DCC: variants seen among roughly 807,000 people sequenced by gnomAD.
The protein encoded by DCC is DCC netrin 1 receptor, also known as netrin receptor DCC.
DCC carries 58 observed loss-of-function variants against 172.5 expected under a neutral mutation model. That is an observed-to-expected ratio of 0.34 (90% CI 0.27 to 0.42). The LOEUF (loss-of-function observed/expected upper bound fraction) is 0.42. DCC is among the 10% of genes least tolerant of loss of function. The pLI, the probability that DCC is intolerant of heterozygous loss-of-function variation, is 1.00. For synonymous variants in DCC, 709 were observed against 644.5 expected, an observed-to-expected ratio of 1.10 and a Z score of -1.52; for missense variants, 1,740 against 1,791.0, an observed-to-expected ratio of 0.97 and a Z score of 0.51.
At chr18:52,837,797 T>A (rs7231926) in intron 2 of DCC, among the ~76,000 whole-genome samples, 1 of 152,226 alleles carries the variant, frequency 6.6e-6, no homozygotes, top group East Asian at 1.9e-4. Flanking sequence ...TCCATTCTCA[T>A]GCTTCTATAA....
chr18:53,018,002 CAT>C (rs1379960418), intron 5 of DCC, among the ~76,000 whole-genome samples: 39 of 152,270 alleles, frequency 2.6e-4, no homozygotes, highest in African/African-American at 9.4e-4. Flanking sequence ...ATTCCACTGA[CAT>C]GTACATAATC....
rs991858218 is a variant in DCC, at chr18:52,558,561, G to A, written c.92-193493G>A. On this transcript the variant is annotated intron_variant, in intron 1 of 28. Coordinates refer to ENST00000442544, the MANE Select transcript of DCC (RefSeq NM_005215.4). ...GGATACTATGTTCCTCTATTTTGCC[G>A]TGTTCATATTGTGATTTAATACAAA... Among the ~76,000 whole-genome samples the A allele has an allele frequency of 1.3e-5, 2 of 151,970 alleles. 1 individual carries two copies. The highest frequency in any genetic ancestry group is 4.8e-5 in the African/African-American group (2 of 41,354).
At chr18:53,014,200 A>G (rs575490723) in intron 5 of DCC, among the ~76,000 whole-genome samples, 29 of 152,334 alleles carry the variant, frequency 1.9e-4, no homozygotes, top group Admixed American at 1.8e-3. Flanking sequence ...AATTAGATGA[A>G]TCACTTGCTT....
intron 13 of DCC, among the ~76,000 whole-genome samples, chr18:53,309,078 C>T (rs2057234961): frequency 6.6e-6 from 1 of 152,022 alleles, no homozygotes; most frequent in South Asian, 2.1e-4. Flanking sequence ...TGCTCTCTTA[C>T]CCAGGCTGGA....
At position 53,272,809 on chromosome 18, in the gene DCC, A is replaced by G. The variant is rs75866217; in HGVS notation, c.1912-32769A>G. ...ATTTTTCCTTAGAAAACAAGCTTCA[A>G]AAAATTGTGTTATCCTTTGATTGTT... On this transcript the variant is annotated intron_variant, in intron 12 of 28. Coordinates refer to ENST00000442544, the MANE Select transcript of DCC (RefSeq NM_005215.4). Among the ~76,000 whole-genome samples, 51 of 152,296 alleles carry G rather than the reference A, an allele frequency of 3.3e-4. No individual in the cohort carries two copies. In the East Asian group the frequency reaches 7.9e-3, roughly 24 times the overall value.
intron 2 of DCC, among the ~76,000 whole-genome samples, chr18:52,892,831 C>T (rs1398779865): frequency 5.3e-5 from 8 of 152,042 alleles, no homozygotes; most frequent in African/African-American, 1.9e-4. Flanking sequence ...AATGCATGCA[C>T]AGTATGAAAA....
intron 21 of DCC, among the ~76,000 whole-genome samples, chr18:53,432,754 T>G (rs1011454664): frequency 1.1e-4 from 16 of 152,108 alleles, no homozygotes; most frequent in African/African-American, 3.9e-4. Context: ...ATTATTATTA[T>G]TATTATTATG....
At chr18:53,222,129 A>T (rs10502966) in intron 12 of DCC, among the ~76,000 whole-genome samples, 1 of 152,022 alleles carries the variant, frequency 6.6e-6, no homozygotes, top group Non-Finnish European at 1.5e-5. Context: ...AATTACAGTC[A>T]ATGAATAAAG....
intron 1 of DCC, among the ~76,000 whole-genome samples, chr18:52,688,745 CAT>C (rs1216535806): frequency 3.9e-5 from 6 of 152,022 alleles, no homozygotes; most frequent in African/African-American, 1.4e-4. Context: ...TATACCATCA[CAT>C]GTTATACCTT....
chr18:52,373,596 T>G (rs1335921593), intron 1 of DCC, among the ~76,000 whole-genome samples: 4 of 152,162 alleles, frequency 2.6e-5, no homozygotes, highest in Admixed American at 6.5e-5. Context: ...GGGTGGGCAT[T>G]CTCTTTTGAC....
At chr18:52,789,910 A>T (rs957728867) in intron 2 of DCC, among the ~76,000 whole-genome samples, 3 of 152,172 alleles carry the variant, frequency 2.0e-5, no homozygotes, top group Non-Finnish European at 2.9e-5. Flanking sequence ...GAAACTAGCC[A>T]CAAGATCAGG....
intron 7 of DCC, among the ~76,000 whole-genome samples, chr18:53,087,705 A>C (rs1312067724): frequency 6.6e-6 from 1 of 151,870 alleles, no homozygotes; most frequent in African/African-American, 2.4e-5. Flanking sequence ...GGTAATGCCT[A>C]GGTTTTCTTC....
At chr18:52,806,391 C>T (rs913522397) in intron 2 of DCC, among the ~76,000 whole-genome samples, 3 of 152,180 alleles carry the variant, frequency 2.0e-5, no homozygotes, top group Admixed American at 6.5e-5. Flanking sequence ...TTTGTTTTTA[C>T]CTACAAACTT....
rs1481412682 is a variant in DCC, at chr18:52,427,835, T to TCTTCCTTCCTTTCTTTCTTCTTTC, written c.91+86968_91+86969insTCTTTCTTCTTTCCTTCCTTCCTT. Among the ~76,000 whole-genome samples, 9 of 46,020 alleles carry TCTTCCTTCCTTTCTTTCTTCTTTC rather than the reference T, an allele frequency of 2.0e-4. 1 individual carries two copies. Among genetic ancestry groups the TCTTCCTTCCTTTCTTTCTTCTTTC allele is most frequent in the African/African-American group, 5.5e-4 (9 of 16,408 alleles). 30.2% of individuals were successfully genotyped at this position (46,020 alleles called of 152,430 possible). ...TCCTTTCTTCCTTCCTTCCTTCCTT[T>TCTTCCTTCCTTTCTTTCTTCTTTC]CTTCCTTCCTTCCTTCCTTCCTTCC... On this transcript the variant is annotated intron_variant, in intron 1 of 28. Transcript: ENST00000442544.
At chr18:52,654,751 G>T (rs1201235761) in intron 1 of DCC, among the ~76,000 whole-genome samples, 7 of 152,184 alleles carry the variant, frequency 4.6e-5, no homozygotes, top group Non-Finnish European at 1.5e-5. Flanking sequence ...TACAACTAAA[G>T]CTTTAACATA....
chr18:52,352,114 C>T (rs78402788), intron 1 of DCC, among the ~76,000 whole-genome samples: 5,265 of 152,250 alleles, frequency 0.035, 305 homozygotes, highest in African/African-American at 0.12. Context: ...TGCTTCCCAA[C>T]TCTAAATTGG....
chr18:52,865,100 C>T (rs1265225369), intron 2 of DCC, among the ~76,000 whole-genome samples: 7 of 151,974 alleles, frequency 4.6e-5, no homozygotes, highest in Admixed American at 2.0e-4. Flanking sequence ...CTCCTGACCT[C>T]GTGATCCTCC....
intron 7 of DCC, among the ~76,000 whole-genome samples, chr18:53,097,094 C>G (rs200668307): frequency 6.6e-6 from 1 of 152,120 alleles, no homozygotes; most frequent in East Asian, 1.9e-4. Context: ...CCTAGTGAGA[C>G]AAAAAGTTGT....
At chr18:53,435,071 A>C in intron 21 of DCC, 73 bp from the exon 22 acceptor site, 1 of 1,150,428 alleles carries the variant, frequency 8.7e-7, no homozygotes, top group Non-Finnish European at 1.3e-6. Flanking sequence ...TGTGTGTGTT[A>C]AAATATTTAT....
Sources: gnomAD v4.1 joint callset for allele counts (sites outside exome capture counted in the v4.1 genomes callset) on GRCh38, gnomAD v4.1.1 for gene constraint, MANE v1.5 for transcripts, NCBI Gene and HGNC (gene_info 2026-07-23, HGNC 2026-07-21) for gene names.